The following CSMD1 variants were observed in gnomAD, a reference collection of about 807,000 sequenced individuals.
The protein encoded by CSMD1 is CUB and Sushi multiple domains 1.
CSMD1 carries 213 observed loss-of-function variants against 417.5 expected under a neutral mutation model. That is an observed-to-expected ratio of 0.51 (90% CI 0.46 to 0.57). The LOEUF (loss-of-function observed/expected upper bound fraction) is 0.57. CSMD1 is among the 20% of genes least tolerant of loss of function. The pLI, the probability that CSMD1 is intolerant of heterozygous loss-of-function variation, is 0.00. For synonymous variants in CSMD1, 2,862 were observed against 1,736.8 expected (o/e 1.65, Z -16.11); for missense variants, 6,923 against 4,529.7 (o/e 1.53, Z -15.17).
At chr8:3,888,129 T>C (rs1254186552) in intron 5 of CSMD1, among the ~76,000 whole-genome samples, 2 of 152,186 alleles carry the variant, frequency 1.3e-5, no homozygotes, top group African/African-American at 2.4e-5. Context: ...TGGGATAACA[T>C]GGATAACTAA....
intron 6 of CSMD1, among the ~76,000 whole-genome samples, chr8:3,744,336 T>G: frequency 6.6e-6 from 1 of 152,082 alleles, no homozygotes; most frequent in East Asian, 1.9e-4. Context: ...TGTGATACCC[T>G]GTGGGCTTCC....
chr8:3,814,292 CA>C (rs1460304209), intron 5 of CSMD1, among the ~76,000 whole-genome samples: 1 of 152,146 alleles, frequency 6.6e-6, no homozygotes, highest in Non-Finnish European at 1.5e-5. Flanking sequence ...AATCTTGAGT[CA>C]TTTGTTCTTT....
chr8:3,513,134 T>C (rs1281259158), intron 10 of CSMD1, among the ~76,000 whole-genome samples: 1 of 151,844 alleles, frequency 6.6e-6, no homozygotes, highest in Non-Finnish European at 1.5e-5. Context: ...ATTATTTTTT[T>C]TTATATGCCT....
intron 3 of CSMD1, among the ~76,000 whole-genome samples, chr8:4,140,597 G>C (rs748128934): frequency 6.6e-6 from 1 of 151,026 alleles, no homozygotes; most frequent in South Asian, 2.1e-4. Context: ...GAACCCAAGA[G>C]GTCAAGGCTG....
intron 10 of CSMD1, among the ~76,000 whole-genome samples, chr8:3,519,753 TAGAA>T (rs1797425163): frequency 6.6e-6 from 1 of 152,142 alleles, no homozygotes; most frequent in African/African-American, 2.4e-5. Context: ...TGTGTAAAGA[TAGAA>T]AGTTGGCTGT....
intron 6 of CSMD1, among the ~76,000 whole-genome samples, chr8:3,712,773 T>A (rs372827193): frequency 1.3e-5 from 2 of 152,164 alleles, no homozygotes; most frequent in Admixed American, 6.5e-5. Flanking sequence ...TTCCCTGGTG[T>A]CTGTTGGGTA....
chr8:3,959,810 C>T (rs903052921), intron 5 of CSMD1, among the ~76,000 whole-genome samples: 2 of 152,142 alleles, frequency 1.3e-5, no homozygotes, highest in Non-Finnish European at 2.9e-5. Context: ...CCTGTTAGCA[C>T]CTTCTGGCAT....
chr8:3,396,890 A>T (rs1811735364), intron 16 of CSMD1, among the ~76,000 whole-genome samples: 1 of 152,156 alleles, frequency 6.6e-6, no homozygotes, highest in African/African-American at 2.4e-5. Context: ...TGAAAAAAAA[A>T]ATCCTGTGCC....
At chr8:3,541,783 C>G (rs1490594190) in intron 10 of CSMD1, among the ~76,000 whole-genome samples, 2 of 150,684 alleles carry the variant, frequency 1.3e-5, no homozygotes, top group African/African-American at 4.9e-5. Context: ...TACAGCTGTT[C>G]TTTTTAAAAA....
At chr8:4,120,381 C>T (rs923008057) in intron 3 of CSMD1, among the ~76,000 whole-genome samples, 2 of 152,112 alleles carry the variant, frequency 1.3e-5, no homozygotes, top group African/African-American at 4.8e-5. Flanking sequence ...TAGACTAATG[C>T]CAACATGCTG....
intron 4 of CSMD1, among the ~76,000 whole-genome samples, chr8:4,023,926 C>T (rs1796926904): frequency 6.6e-6 from 1 of 151,764 alleles, no homozygotes; most frequent in Admixed American, 6.6e-5. Flanking sequence ...CACTGCTTTT[C>T]AACTTTTACA....
At chr8:3,558,506 ATGG>A (rs1799294968) in intron 10 of CSMD1, among the ~76,000 whole-genome samples, 4 of 146,814 alleles carry the variant, frequency 2.7e-5, no homozygotes, top group Non-Finnish European at 3.0e-5. Flanking sequence ...CGGTGCCTCA[ATGG>A]TACCCCATGT....
chr8:4,463,722 T>C lies in CSMD1; in HGVS notation c.303-43657A>G, dbSNP rs1799980766. Among the ~76,000 whole-genome samples, 3 of 152,106 alleles carry C rather than the reference T, an allele frequency of 2.0e-5. No homozygotes were observed. In the South Asian group the frequency reaches 6.2e-4, roughly 32 times the overall value. On this transcript the variant is annotated intron_variant, in intron 2 of 69. Coordinates refer to ENST00000635120, the MANE Select transcript of CSMD1 (RefSeq NM_033225.6). Reference sequence around the variant, plus strand: ...CCAATCCCTAGAGACGAAAATAAATTAGTGTTTCCTTTGGGCCGTGGGGCT... The same window carrying C: ...CCAATCCCTAGAGACGAAAATAAATCAGTGTTTCCTTTGGGCCGTGGGGCT...
At chr8:4,089,071 C>G (rs976280678) in intron 3 of CSMD1, among the ~76,000 whole-genome samples, 2 of 152,210 alleles carry the variant, frequency 1.3e-5, no homozygotes, top group African/African-American at 4.8e-5. Flanking sequence ...GCCAGAGCTT[C>G]TGACAAATAG....
At chr8:3,904,875 G>A (rs1245879313) in intron 5 of CSMD1, among the ~76,000 whole-genome samples, 1 of 152,086 alleles carries the variant, frequency 6.6e-6, no homozygotes, top group African/African-American at 2.4e-5. Flanking sequence ...GACCTCAAGT[G>A]ATCCACCTGC....
chr8:3,857,162 G>A (rs980563626), intron 5 of CSMD1, among the ~76,000 whole-genome samples: 2 of 152,122 alleles, frequency 1.3e-5, no homozygotes, highest in African/African-American at 4.8e-5. Flanking sequence ...AAAATGATGG[G>A]ATAATTACAT....
intron 8 of CSMD1, among the ~76,000 whole-genome samples, chr8:3,600,928 G>A (rs1399753995): frequency 6.6e-6 from 1 of 152,116 alleles, no homozygotes; most frequent in Non-Finnish European, 1.5e-5. Flanking sequence ...TTGAAAATGT[G>A]GATAGAGAGG....
chr8:3,445,534 A>AT (rs918502254), intron 12 of CSMD1, among the ~76,000 whole-genome samples: 58 of 151,676 alleles, frequency 3.8e-4, no homozygotes, highest in East Asian at 5.8e-4. Flanking sequence ...TTCATTACAC[A>AT]TTTTTTTTTA....
chr8:3,305,296 A>G (rs758665753), intron 25 of CSMD1, among the ~76,000 whole-genome samples: 2 of 151,850 alleles, frequency 1.3e-5, no homozygotes, highest in Non-Finnish European at 2.9e-5. Flanking sequence ...ATAATCATCA[A>G]ATTAATCATT....
Sources: gnomAD v4.1 joint callset for allele counts (sites outside exome capture counted in the v4.1 genomes callset) on GRCh38, gnomAD v4.1.1 for gene constraint, MANE v1.5 for transcripts, NCBI Gene and HGNC (gene_info 2026-07-23, HGNC 2026-07-21) for gene names.